The following GLI2 variants were observed in gnomAD, a reference collection of about 807,000 sequenced individuals.
GLI2 encodes the protein transcription activator GLI2.
GLI2 carries 22 observed loss-of-function variants against 78.9 expected under a neutral mutation model. The observed-to-expected ratio is 0.28, with a 90% CI of 0.20 to 0.40. The LOEUF (loss-of-function observed/expected upper bound fraction) is 0.40. GLI2 is among the 10% of genes least tolerant of loss of function. The pLI, the probability that GLI2 is intolerant of heterozygous loss-of-function variation, is 1.00. For missense variants in GLI2, 2,097 were observed against 2,213.2 expected, an observed-to-expected ratio of 0.95 and a Z score of 1.05; for synonymous variants, 974 against 963.7, an observed-to-expected ratio of 1.01 and a Z score of -0.20.
At chr2:120,862,926 C>T (rs1220567903) in intron 2 of GLI2, among the ~76,000 whole-genome samples, 1 of 152,186 alleles carries the variant, frequency 6.6e-6, no homozygotes, top group Non-Finnish European at 1.5e-5. Flanking sequence ...CTCCCTGGCT[C>T]CCCAGTCGGA....
chr2:120,812,872 TG>T (rs1260493015), intron 2 of GLI2, among the ~76,000 whole-genome samples: 1 of 152,114 alleles, frequency 6.6e-6, no homozygotes, highest in Non-Finnish European at 1.5e-5. Flanking sequence ...CTCTTCCACA[TG>T]GGGGATGCTT....
chr2:120,924,967 TC>T (rs554854287), intron 2 of GLI2, among the ~76,000 whole-genome samples: 111 of 152,370 alleles, frequency 7.3e-4, no homozygotes, highest in African/African-American at 2.6e-3. Context: ...TTATCCATTT[TC>T]AGATGAACAA....
intron 1 of GLI2, among the ~76,000 whole-genome samples, chr2:120,753,966 C>T (rs1048673961): frequency 2.9e-4 from 44 of 149,784 alleles, no homozygotes; most frequent in African/African-American, 1.0e-3. Context: ...ATGTTACAAA[C>T]ATTTTTTTCT....
chr2:120,841,199 A>G (rs1686853029), intron 2 of GLI2, among the ~76,000 whole-genome samples: 1 of 152,218 alleles, frequency 6.6e-6, no homozygotes, highest in Non-Finnish European at 1.5e-5. Context: ...CTCCCTGCAA[A>G]AGACCCATGA....
intron 2 of GLI2, among the ~76,000 whole-genome samples, chr2:120,834,386 A>AG (rs1686508330): frequency 6.6e-6 from 1 of 152,152 alleles, no homozygotes; most frequent in Non-Finnish European, 1.5e-5. Flanking sequence ...TCTGGGCCAT[A>AG]GGGGCCATCG....
chr2:120,878,028 T>C (rs977634525), intron 2 of GLI2, among the ~76,000 whole-genome samples: 1 of 152,256 alleles, frequency 6.6e-6, no homozygotes, highest in Non-Finnish European at 1.5e-5. Context: ...CATTCTTTTA[T>C]ATTAACATCT....
intron 1 of GLI2, among the ~76,000 whole-genome samples, chr2:120,738,682 A>G (rs1682439697): frequency 1.3e-5 from 2 of 152,212 alleles, no homozygotes; most frequent in South Asian, 4.1e-4. Context: ...AATTATAGGT[A>G]GAAAGAATTA....
In GLI2 at chr2:120,975,107, C is replaced by T. The variant is rs748984559; in HGVS notation, c.1315C>T (p.His439Tyr). ...GTACGACACCCAGGAGCAGCTGGTG[C>T]ATGTAAGCTTTTGAACCCCAGCAGC... ...KEYDTQEQLV[H>Y]HINNEHIHGE... The change falls in exon 9 of 14, where the codon CAT (histidine) becomes TAT (tyrosine). Residue 439 changes from histidine (H) to tyrosine (Y), a missense_variant and splice_region_variant. His to Tyr is a moderately conservative substitution (Grantham distance 83). Around this residue, in one of 5 missense-constraint regions of GLI2, gnomAD observed 578 missense variants for 612.0 expected, o/e 0.94. Transcript: ENST00000361492. The T allele has an allele frequency of 6.2e-7, 1 of 1,613,812 alleles. No individual in the cohort carries two copies. The highest frequency in any genetic ancestry group is 1.7e-5 in the Admixed American group (1 of 60,032).
chr2:120,805,363 T>C (rs374980069), intron 2 of GLI2, among the ~76,000 whole-genome samples: 15 of 152,364 alleles, frequency 9.8e-5, no homozygotes, highest in East Asian at 9.6e-4. Context: ...TGGTGAACCC[T>C]ACCTGCCTGG....
intron 2 of GLI2, among the ~76,000 whole-genome samples, chr2:120,802,860 C>A (rs1321781392): frequency 2.6e-5 from 4 of 152,228 alleles, no homozygotes; most frequent in Non-Finnish European, 5.9e-5. Flanking sequence ...GTGTGGGCCG[C>A]ACCAGCAACA....
At chr2:120,987,399 C>A (rs1205643022) in intron 13 of GLI2, among the ~76,000 whole-genome samples, 3 of 152,202 alleles carry the variant, frequency 2.0e-5, no homozygotes, top group African/African-American at 7.2e-5. Context: ...CAAGGTCACC[C>A]CTTCCCAGCA....
chr2:120,959,982 G>A lies in GLI2; in HGVS notation c.643+4552G>A, dbSNP rs144608632. Among the ~76,000 whole-genome samples, 1,508 of 152,306 alleles carry A rather than the reference G, an allele frequency of 9.9e-3. 20 individuals are homozygous for A. Among genetic ancestry groups the A allele is most frequent in the East Asian group, 0.033 (173 of 5,186 alleles). Reference sequence around the variant, plus strand: ...TTGAGCATGTGAGCTCTGTGCAGGCGCAGGGGGCCTGGAGAGCTCATGGAC... The same window carrying A: ...TTGAGCATGTGAGCTCTGTGCAGGCACAGGGGGCCTGGAGAGCTCATGGAC... On this transcript the variant is annotated intron_variant, in intron 5 of 13. Transcript: ENST00000361492.
At chr2:120,803,114 T>C (rs1684775941) in intron 2 of GLI2, among the ~76,000 whole-genome samples, 1 of 152,244 alleles carries the variant, frequency 6.6e-6, no homozygotes, top group African/African-American at 2.4e-5. Flanking sequence ...AGACTTCTGA[T>C]GTGCTTACAC....
Position 120,988,540 on chromosome 2 carries a change from T to C in GLI2, c.2575T>C (p.Ser859Pro), listed in dbSNP as rs1683098160. 2 of 1,503,788 alleles carry C rather than the reference T, an allele frequency of 1.3e-6. No homozygotes were observed. Among genetic ancestry groups the C allele is most frequent in the African/African-American group, 1.5e-5 (1 of 68,948 alleles). 93.2% of individuals were successfully genotyped at this position (1,503,788 alleles called of 1,614,324 possible). A position where few individuals can be genotyped will look rare whatever the true frequency, so the allele number is the denominator to read the frequency against. ...CGAGGCCAGCCAGTGCAGCGGCGGC[T>C]CCGGGCTGCTCAACCTCACGCCGGC... The part of the protein sequence containing the change: ...SSEASQCSGG[S>P]GLLNLTPAQQ... The change falls in exon 14 of 14, where the codon TCC (serine) becomes CCC (proline). Residue 859 changes from serine to proline, a missense_variant. Transcript: ENST00000361492.
intron 1 of GLI2, among the ~76,000 whole-genome samples, chr2:120,785,864 C>G (rs1683982877): frequency 6.6e-6 from 1 of 152,224 alleles, no homozygotes; most frequent in African/African-American, 2.4e-5. Flanking sequence ...ATGTGGTTAA[C>G]TGCAACCAAC....
chr2:120,982,903 G>C, intron 11 of GLI2, 23 bp downstream of exon 11: 1 of 1,609,224 alleles, frequency 6.2e-7, no homozygotes, highest in Non-Finnish European at 8.5e-7. Flanking sequence ...GGCATGCACT[G>C]GGCATGCACA....
chr2:120,797,258 A>G (rs1573389246), intron 1 of GLI2, 33 bp from the exon 2 acceptor site: 1 of 1,564,472 alleles, frequency 6.4e-7, no homozygotes, highest in Non-Finnish European at 8.8e-7. Context: ...GTTTGGGCTC[A>G]GTGTTGGTGA....
intron 5 of GLI2, among the ~76,000 whole-genome samples, chr2:120,963,369 T>C (rs1273426946): frequency 1.3e-5 from 2 of 152,246 alleles, no homozygotes; most frequent in Non-Finnish European, 2.9e-5. Flanking sequence ...TAAGTAAATG[T>C]GCTCCAAGGA....
intron 2 of GLI2, among the ~76,000 whole-genome samples, chr2:120,821,428 A>T (rs1004591254): frequency 1.3e-5 from 2 of 152,182 alleles, no homozygotes; most frequent in Non-Finnish European, 2.9e-5. Context: ...TTTATGGGCG[A>T]CAGAGAAGGG....
Sources: gnomAD v4.1 joint callset for allele counts (sites outside exome capture counted in the v4.1 genomes callset) on GRCh38, gnomAD v4.1.1 for gene constraint, gnomAD v4.1.1 regional missense constraint, MANE v1.5 for transcripts, NCBI Gene and HGNC (gene_info 2026-07-23, HGNC 2026-07-21) for gene names.